MRRF: variants seen among roughly 807,000 people sequenced by gnomAD.
MRRF encodes ribosome-recycling factor, mitochondrial.
MRRF carries 18 observed loss-of-function variants against 25.1 expected under a neutral mutation model. The ratio of observed to expected loss-of-function variants is 0.72; its 90% CI spans 0.50 to 1.06. The LOEUF is 1.06. Among genes scored for constraint, MRRF ranks in the 50% least tolerant of loss-of-function variants. The probability of loss-of-function intolerance (pLI) is 0.00; values close to 1 mark genes in which losing one functional copy is unlikely to be tolerated. For synonymous variants in MRRF, 113 were observed against 112.1 expected, an observed-to-expected ratio of 1.01 and a Z score of -0.05; for missense variants, 323 against 319.3, an observed-to-expected ratio of 1.01 and a Z score of -0.09.
rs1477576543 is a variant in MRRF, at chr9:122,325,014, C to T, written c.*2397C>T. ...TTTGCAACAGTCTTTCATGAGTGGC[C>T]GAAATCCCCCACTCACTGCAAATGT... On this transcript the variant is annotated 3_prime_UTR_variant, in exon 7 of 7. Transcript: ENST00000344641. 6.6e-6 allele frequency: 1 copy of T among 152,034 alleles called. No individual in the cohort carries two copies. The highest frequency in any genetic ancestry group is 2.4e-5 in the African/African-American group (1 of 41,390). The allele number at this position is 152,034 out of a possible 1,614,324, so 9.4% of individuals were successfully genotyped here.
chr9:122,290,194 T>G (rs931751102), intron 4 of MRRF, among the ~76,000 whole-genome samples: 1 of 152,256 alleles, frequency 6.6e-6, no homozygotes, highest in South Asian at 2.1e-4. Flanking sequence ...CAGTCTCCTC[T>G]TAACTCTGCC....
At position 122,293,668 on chromosome 9, in the gene MRRF, T is replaced by G. The variant is rs73663064; in HGVS notation, c.551+1828T>G. 3.6e-3 allele frequency among the ~76,000 whole-genome samples: 550 copies of G among 152,330 alleles called. 4 individuals are homozygous for G. The highest frequency in any genetic ancestry group is 0.013 in the African/African-American group (524 of 41,574). On this transcript the variant is annotated intron_variant, in intron 5 of 6. Transcript: ENST00000344641. ...TTCAAGTCTTTCTGCTTGAACCAGA[T>G]AGTTCAAGTTTGTTTGGCAAGTTCA...
At chr9:122,292,740 C>G (rs1390106246) in intron 5 of MRRF, among the ~76,000 whole-genome samples, 2 of 152,024 alleles carry the variant, frequency 1.3e-5, no homozygotes, top group African/African-American at 4.8e-5. Context: ...TCTCTGACTG[C>G]TGGTTTAACA....
intron 3 of MRRF, among the ~76,000 whole-genome samples, chr9:122,283,373 G>A (rs1036506441): frequency 1.3e-5 from 2 of 152,138 alleles, no homozygotes; most frequent in Non-Finnish European, 2.9e-5. Flanking sequence ...GATTACAGGC[G>A]TGAGCCACTG....
chr9:122,327,141 A>G lies in MRRF; in HGVS notation c.*4524A>G, dbSNP rs1836165904. 6.6e-6 allele frequency: 1 copy of G among 152,242 alleles called. No homozygotes were observed. Among genetic ancestry groups the G allele is most frequent in the Admixed American group, 6.5e-5 (1 of 15,282 alleles). 9.4% of individuals were successfully genotyped at this position (152,242 alleles called of 1,614,324 possible). ...ACCTGGCACATTGTAAACACCAAAG[A>G]AATGGTAGCTCTTATGGAGACAGTA... On this transcript the variant is annotated 3_prime_UTR_variant, in exon 7 of 7. Transcript: ENST00000344641.
In MRRF at chr9:122,322,547, A is replaced by G. The variant is rs1835952451; in HGVS notation, c.719A>G (p.Gln240Arg). 1 of 1,614,082 alleles carries G rather than the reference A, an allele frequency of 6.2e-7. No individual in the cohort carries two copies. Reference protein sequence around the residue: ...TIRLIEKQISQMADDTVAELD... With the variant: ...TIRLIEKQISRMADDTVAELD... ...CATTTTGTGTTCTTGCAGATCAGCC[A>G]AATGGCCGATGACACAGTGGCAGAA... Residue 240 changes from glutamine (Q) to arginine (R), a missense_variant, in exon 7 of 7, where the codon CAA (glutamine) becomes CGA (arginine). Coordinates refer to ENST00000344641, the MANE Select transcript of MRRF (RefSeq NM_138777.5).
At chr9:122,299,063 A>G (rs568621133) in intron 5 of MRRF, among the ~76,000 whole-genome samples, 1 of 152,158 alleles carries the variant, frequency 6.6e-6, no homozygotes, top group Admixed American at 6.5e-5. Flanking sequence ...CAAGAGGGCC[A>G]TGTGCCTGTA....
intron 5 of MRRF, among the ~76,000 whole-genome samples, chr9:122,302,046 T>C (rs564353726): frequency 1.1e-3 from 170 of 152,170 alleles, no homozygotes; most frequent in Non-Finnish European, 2.1e-3. Context: ...CTGGCCTGCA[T>C]GGTGATTATT....
Position 122,307,409 on chromosome 9 carries a change from T to C in MRRF, c.552-5818T>C, listed in dbSNP as rs186154918. Among the ~76,000 whole-genome samples, 61 of 152,330 alleles carry C rather than the reference T, an allele frequency of 4.0e-4. 1 individual carries two copies. Among genetic ancestry groups the C allele is most frequent in the Admixed American group, 1.2e-3 (19 of 15,300 alleles). ...CCCCATTGCCTTCTGCTCTCCTCTG[T>C]TCCCATTCTGTTTCTCTCTGCTCAC... On this transcript the variant is annotated intron_variant, in intron 5 of 6. Transcript: ENST00000344641.
At position 122,325,629 on chromosome 9, in the gene MRRF, CTGGT is replaced by C. The variant is rs1298590406; in HGVS notation, c.*3013_*3016del. 6 of 119,360 alleles carry C rather than the reference CTGGT, an allele frequency of 5.0e-5. No homozygotes were observed. The highest frequency in any genetic ancestry group is 1.8e-4 in the Admixed American group (2 of 11,218). The allele number at this position is 119,360 out of a possible 1,614,324, so 7.4% of individuals were successfully genotyped here. On this transcript the variant is annotated 3_prime_UTR_variant, in exon 7 of 7. Coordinates refer to ENST00000344641, the MANE Select transcript of MRRF (RefSeq NM_138777.5). ...GAGAATTTGAGAATTTTTTTCCTGT[CTGGT>C]GTGTGTGTGTGTGTGTGTGTGTGTG...
intron 4 of MRRF, chr9:122,286,095 C>T (rs1226638479): frequency 7.9e-7 from 1 of 1,269,570 alleles, no homozygotes; most frequent in South Asian, 1.2e-5. Flanking sequence ...ATCTCTACCA[C>T]CAACTGGCTG....
intron 5 of MRRF, among the ~76,000 whole-genome samples, chr9:122,304,986 G>A (rs1458633952): frequency 6.6e-6 from 1 of 151,726 alleles, no homozygotes; most frequent in Non-Finnish European, 1.5e-5. Context: ...TTTGTTACCC[G>A]GGCTGGGGTG....
chr9:122,320,220 T>TA (rs1835807350), intron 6 of MRRF, among the ~76,000 whole-genome samples: 1 of 152,112 alleles, frequency 6.6e-6, no homozygotes, highest in Non-Finnish European at 1.5e-5. Flanking sequence ...ATAGTAAAAG[T>TA]TATAGTAACA....
chr9:122,325,087 T>C lies in MRRF; in HGVS notation c.*2470T>C, dbSNP rs1399947547. 1 of 152,174 alleles carries C rather than the reference T, an allele frequency of 6.6e-6. No homozygotes were observed. The highest frequency in any genetic ancestry group is 6.5e-5 in the Admixed American group (1 of 15,280). 9.4% of individuals were successfully genotyped at this position (152,174 alleles called of 1,614,324 possible). A position where few individuals can be genotyped will look rare whatever the true frequency, so the allele number is the denominator to read the frequency against. ...TTTAATAAACAGAGGAAATGATAAA[T>C]TATGTTGTAATTCCACTCCAAAGGC... is the stretch of plus-strand genomic sequence containing the variant. On this transcript the variant is annotated 3_prime_UTR_variant, in exon 7 of 7. Transcript: ENST00000344641.
intron 5 of MRRF, among the ~76,000 whole-genome samples, chr9:122,302,548 T>A (rs963297105): frequency 5.3e-5 from 8 of 152,238 alleles, no homozygotes; most frequent in African/African-American, 1.9e-4. Context: ...CATTCTTTCT[T>A]ATTGCCAAAT....
rs116731189 is a variant in MRRF, at chr9:122,284,825, G to C, written c.341-344G>C. Among the ~76,000 whole-genome samples the C allele has an allele frequency of 6.4e-3, 975 of 152,260 alleles. 10 individuals are homozygous for C. The highest frequency in any genetic ancestry group is 0.022 in the African/African-American group (929 of 41,530). ...TTTTGAGACAAGATCTCACTCTGTTGCCTAGGGTGGAGTGCAGTGGCCAGT... is the reference window on the plus strand; with the variant it reads ...TTTTGAGACAAGATCTCACTCTGTTCCCTAGGGTGGAGTGCAGTGGCCAGT... On this transcript the variant is annotated intron_variant, in intron 3 of 6. Transcript: ENST00000344641.
rs369556589 is a variant in MRRF, at chr9:122,322,517, T to C, written c.712-23T>C. On this transcript the variant is annotated intron_variant, in intron 6 of 6. Coordinates refer to ENST00000344641, the MANE Select transcript of MRRF (RefSeq NM_138777.5). The stretch of plus-strand genomic sequence containing the variant: ...CCTTTTCCAGCCCCATTAATCAGGC[T>C]GTCTCATTTTGTGTTCTTGCAGATC... 1.9e-6 allele frequency: 3 copies of C among 1,610,426 alleles called. No individual in the cohort carries two copies. In the African/African-American group the frequency reaches 4.0e-5, roughly 22 times the overall value.
At chr9:122,305,697 CCTTAT>C (rs1303845056) in intron 5 of MRRF, among the ~76,000 whole-genome samples, 3 of 152,160 alleles carry the variant, frequency 2.0e-5, no homozygotes, top group East Asian at 1.9e-4. Flanking sequence ...TTTGGTCTCT[CCTTAT>C]CTTCTTCTCT....
intron 2 of MRRF, among the ~76,000 whole-genome samples, chr9:122,274,746 T>C (rs2119058973): frequency 6.6e-6 from 1 of 152,286 alleles, no homozygotes; most frequent in South Asian, 2.1e-4. Flanking sequence ...TTCTACTATT[T>C]TTATAGTCAT....
Sources: allele counts gnomAD v4.1 joint callset (sites outside exome capture counted in the v4.1 genomes callset), GRCh38; gene constraint gnomAD v4.1.1; transcripts MANE v1.5; gene names NCBI Gene and HGNC (gene_info 2026-07-23, HGNC 2026-07-21).